PRKN: variants seen among roughly 807,000 people sequenced by gnomAD.
PRKN encodes E3 ubiquitin-protein ligase parkin.
PRKN carries 56 observed loss-of-function variants against 59.5 expected under a neutral mutation model. The ratio of observed to expected loss-of-function variants is 0.94; its 90% CI spans 0.76 to 1.18. PRKN has a LOEUF of 1.18. Among genes scored for constraint, PRKN ranks in the 50% most tolerant of loss-of-function variants. The pLI, the probability that PRKN is intolerant of heterozygous loss-of-function variation, is 0.00. For missense variants in PRKN, 657 were observed against 596.4 expected (o/e 1.10, Z -1.06); for synonymous variants, 250 against 222.1 (o/e 1.13, Z -1.12).
chr6:162,594,780 T>A (rs150686426), intron 1 of PRKN, among the ~76,000 whole-genome samples: 79 of 152,342 alleles, frequency 5.2e-4, no homozygotes, highest in Middle Eastern at 3.4e-3. Flanking sequence ...CTGAACATGA[T>A]ATTTTTTGGA....
At chr6:162,032,573 C>T (rs890879347) in intron 5 of PRKN, among the ~76,000 whole-genome samples, 8 of 152,120 alleles carry the variant, frequency 5.3e-5, no homozygotes, top group South Asian at 2.1e-4. Flanking sequence ...GGTTATCTTA[C>T]GTATATAACC....
chr6:162,339,678 T>C (rs56177544), intron 2 of PRKN, among the ~76,000 whole-genome samples: 18,255 of 151,808 alleles, frequency 0.12, 1,219 homozygotes, highest in Middle Eastern at 0.18. Context: ...ATGACAATGG[T>C]GGCTTTGTGG....
chr6:161,515,677 C>G (rs4401638), intron 9 of PRKN, among the ~76,000 whole-genome samples: 10,859 of 152,200 alleles, frequency 0.071, 509 homozygotes, highest in African/African-American at 0.13. Flanking sequence ...AGTACACTGC[C>G]ATTTTCAGTG....
chr6:161,902,556 A>ATCTATTTT (rs1382089937), intron 6 of PRKN, among the ~76,000 whole-genome samples: 13,326 of 114,836 alleles, frequency 0.12, 1,830 homozygotes, highest in Middle Eastern at 0.18. Flanking sequence ...CTATTTATTT[A>ATCTATTTT]TTTATTTATT....
intron 6 of PRKN, among the ~76,000 whole-genome samples, chr6:161,972,192 T>A (rs1389745360): frequency 6.6e-6 from 1 of 151,074 alleles, no homozygotes; most frequent in East Asian, 2.0e-4. Context: ...GAGAATCCCT[T>A]GAACCTGGGA....
At chr6:161,374,184 G>C (rs563370982) in intron 10 of PRKN, among the ~76,000 whole-genome samples, 1 of 152,196 alleles carries the variant, frequency 6.6e-6, no homozygotes, top group South Asian at 2.1e-4. Context: ...TGAGTGGCGA[G>C]TGTGTGCAGT....
chr6:162,674,415 T>C (rs1779457036), intron 1 of PRKN, among the ~76,000 whole-genome samples: 1 of 152,120 alleles, frequency 6.6e-6, no homozygotes, highest in South Asian at 2.1e-4. Context: ...AAAAGTGATG[T>C]AGGAACTAGG....
At chr6:161,368,151 C>A (rs1013446367) in intron 10 of PRKN, among the ~76,000 whole-genome samples, 2 of 151,328 alleles carry the variant, frequency 1.3e-5, no homozygotes, top group Non-Finnish European at 2.9e-5. Flanking sequence ...TGTGGCCAGG[C>A]GCAGTGGCTC....
chr6:162,303,337 A>G (rs1249352702), intron 2 of PRKN, among the ~76,000 whole-genome samples: 2 of 152,068 alleles, frequency 1.3e-5, no homozygotes, highest in Non-Finnish European at 2.9e-5. Flanking sequence ...TATTCCCCCA[A>G]TTTGGCAATA....
intron 2 of PRKN, among the ~76,000 whole-genome samples, chr6:162,334,988 G>A (rs1385687087): frequency 1.3e-5 from 2 of 152,004 alleles, no homozygotes; most frequent in East Asian, 3.9e-4. Flanking sequence ...TTACTTGAAT[G>A]GATGAAGAGT....
At chr6:162,576,098 CTCA>C (rs968639023) in intron 1 of PRKN, among the ~76,000 whole-genome samples, 16 of 152,180 alleles carry the variant, frequency 1.1e-4, no homozygotes, top group African/African-American at 3.9e-4. Flanking sequence ...AACCTTGGTT[CTCA>C]CTCTGCTTCC....
intron 9 of PRKN, among the ~76,000 whole-genome samples, chr6:161,515,180 A>C (rs1448532703): frequency 6.6e-6 from 1 of 152,230 alleles, no homozygotes; most frequent in Non-Finnish European, 1.5e-5. Flanking sequence ...AACTGCATCT[A>C]CTGAACATCT....
intron 3 of PRKN, among the ~76,000 whole-genome samples, chr6:162,223,415 C>T (rs1778020626): frequency 1.3e-5 from 2 of 151,820 alleles, no homozygotes; most frequent in Non-Finnish European, 2.9e-5. Context: ...AATAGTGCTG[C>T]TAATAGCACT....
chr6:162,056,131 C>T lies in PRKN; in HGVS notation c.535-1957G>A, dbSNP rs140706721. 8.1e-3 allele frequency among the ~76,000 whole-genome samples: 1,229 copies of T among 151,058 alleles called. 12 individuals carry two copies. Among genetic ancestry groups the T allele is most frequent in the Middle Eastern group, 0.014 (4 of 294 alleles). On this transcript the variant is annotated intron_variant, in intron 4 of 11. Transcript: ENST00000366898. The surrounding 1 kb of genome is among the most constrained non-coding windows in gnomAD (Gnocchi z 4.9). ...ACATATACCCACATGCATGCACGCA[C>T]ACCAAGACACACCACACACGCACGC...
intron 1 of PRKN, among the ~76,000 whole-genome samples, chr6:162,677,486 A>C (rs867180891): frequency 0.02 from 2,973 of 145,154 alleles, 106 homozygotes; most frequent in African/African-American, 0.072. Context: ...AAAAAAAAAA[A>C]AACACTCTTT....
intron 1 of PRKN, among the ~76,000 whole-genome samples, chr6:162,657,319 T>C (rs1464542947): frequency 6.6e-6 from 1 of 152,182 alleles, no homozygotes; most frequent in Non-Finnish European, 1.5e-5. Flanking sequence ...ATTTGTTCAG[T>C]ATTGCAGATA....
intron 3 of PRKN, among the ~76,000 whole-genome samples, chr6:162,232,050 C>A (rs1778446097): frequency 6.6e-6 from 1 of 152,154 alleles, no homozygotes; most frequent in Non-Finnish European, 1.5e-5. Flanking sequence ...GTTAATTTCA[C>A]AGCCCTTGGA....
At chr6:161,983,853 A>G (rs1015434422) in intron 5 of PRKN, among the ~76,000 whole-genome samples, 2 of 121,820 alleles carry the variant, frequency 1.6e-5, no homozygotes, top group Admixed American at 7.8e-5. Flanking sequence ...ACATGTATAC[A>G]TATGTAACTA....
intron 7 of PRKN, among the ~76,000 whole-genome samples, chr6:161,637,201 G>A (rs1006639840): frequency 4.6e-5 from 7 of 152,184 alleles, no homozygotes; most frequent in African/African-American, 1.7e-4. Flanking sequence ...TGTAGGAAAT[G>A]CTTCTGAGGG....
Sources: allele counts gnomAD v4.1 joint callset (sites outside exome capture counted in the v4.1 genomes callset), GRCh38; gene constraint gnomAD v4.1.1; non-coding constraint Gnocchi (gnomAD v3.1); transcripts MANE v1.5; gene names NCBI Gene and HGNC (gene_info 2026-07-23, HGNC 2026-07-21).